The following KCNQ1OT1 variants were observed in gnomAD, a reference collection of about 807,000 sequenced individuals.
KCNQ1OT1 encodes the protein KCNQ1 antisense RNA 2 (non-protein coding).
exon 1 of KCNQ1OT1, chr11:2,631,540 G>A (rs950246249): frequency 7.0e-5 from 28 of 397,992 alleles, no homozygotes; most frequent in Middle Eastern, 6.2e-4. Context: ...TAAATCAGTC[G>A]TTTTTAATTT....
At position 2,663,064 on chromosome 11, in the gene KCNQ1OT1, G is replaced by C. The variant is rs1173432970; in HGVS notation, n.36931C>G. The C allele has an allele frequency of 2.5e-6, 1 of 398,508 alleles. No homozygotes were observed. Among genetic ancestry groups the C allele is most frequent in the Non-Finnish European group, 4.4e-6 (1 of 226,088 alleles). The allele number at this position is 398,508 out of a possible 1,614,324, so 24.7% of individuals were successfully genotyped here. A position where few individuals can be genotyped will look rare whatever the true frequency, so the allele number is the denominator to read the frequency against. On this transcript the variant is annotated non_coding_transcript_exon_variant, in exon 1 of 1. Transcript: ENST00000597346. The surrounding 1 kb of genome is among the most constrained non-coding windows in gnomAD (Gnocchi z 5.2). ...GCAGGTGTAACCAGAGAACTGGCAG[G>C]GTTGGGTAGCCAGAATGAGGCCACC...
chr11:2,662,173 C>T lies in KCNQ1OT1; in HGVS notation n.37822G>A, dbSNP rs910620558. On this transcript the variant is annotated non_coding_transcript_exon_variant, in exon 1 of 1. Coordinates refer to ENST00000597346, the Ensembl canonical transcript of KCNQ1OT1. ...TGCTGGGGAAGCCTTGCTCTCTGGC[C>T]AGAGTGCTATCTACTCGCCTAGTGC... is the stretch of plus-strand genomic sequence containing the variant. 21 of 1,562,522 alleles carry T rather than the reference C, an allele frequency of 1.3e-5. 2 individuals carry two copies. Among genetic ancestry groups the T allele is most frequent in the South Asian group, 1.1e-4 (10 of 87,012 alleles).
exon 1 of KCNQ1OT1, chr11:2,667,902 C>T: frequency 2.5e-6 from 1 of 398,652 alleles, no homozygotes; most frequent in Non-Finnish European, 4.4e-6. Context: ...CTTGAGGCAT[C>T]TTCAGTCCCT....
exon 1 of KCNQ1OT1, chr11:2,680,349 A>G (rs1197328526): frequency 2.5e-6 from 1 of 398,396 alleles, no homozygotes; most frequent in Non-Finnish European, 4.4e-6. Context: ...TCCAGCCACA[A>G]ATAGAAGCAG....
chr11:2,634,290 G>A (rs534481116), exon 1 of KCNQ1OT1: 32 of 342,714 alleles, frequency 9.3e-5, no homozygotes, highest in African/African-American at 6.6e-4. Flanking sequence ...ATTTACCTTA[G>A]GTATATCTCC....
chr11:2,697,584 C>T (rs564255633), exon 1 of KCNQ1OT1: 22 of 398,582 alleles, frequency 5.5e-5, no homozygotes, highest in African/African-American at 2.7e-4. Flanking sequence ...CACACATAGG[C>T]GTTAAACTTT....
exon 1 of KCNQ1OT1, chr11:2,681,482 GAAATGGGACTTAGT>G: frequency 2.5e-6 from 1 of 398,548 alleles, no homozygotes; most frequent in Non-Finnish European, 4.4e-6. Flanking sequence ...CCCTAGATGA[GAAATGGGACTTAGT>G]AAAGTCAAAC....
exon 1 of KCNQ1OT1, chr11:2,686,366 C>G (rs1449322687): frequency 2.5e-6 from 1 of 398,582 alleles, no homozygotes; most frequent in Non-Finnish European, 4.4e-6. Flanking sequence ...CTCACTTGGG[C>G]TTATCAGCAG....
chr11:2,688,415 G>A, exon 1 of KCNQ1OT1: 1 of 398,748 alleles, frequency 2.5e-6, no homozygotes, highest in Admixed American at 4.4e-5. Flanking sequence ...CTCTGTGTAG[G>A]CACTGGGCCC....
Position 2,617,730 on chromosome 11 carries a change from T to C in KCNQ1OT1, n.82265A>G, listed in dbSNP as rs1849091503. On this transcript the variant is annotated non_coding_transcript_exon_variant, in exon 1 of 1. Coordinates refer to ENST00000597346, the Ensembl canonical transcript of KCNQ1OT1. This position sits in a 1 kb window ranked among gnomAD's most constrained non-coding sequence, Gnocchi z 4.6. ...AGCCAACACTTAATAGCTATTCTCA[T>C]GAGTGTGAGGTGATATCGCATAGTA... The C allele has an allele frequency of 2.5e-6, 1 of 398,384 alleles. No homozygotes were observed. The highest frequency in any genetic ancestry group is 2.1e-5 in the African/African-American group (1 of 48,638). 24.7% of individuals were successfully genotyped at this position (398,384 alleles called of 1,614,324 possible).
exon 1 of KCNQ1OT1, chr11:2,660,766 G>C: frequency 2.5e-6 from 1 of 398,612 alleles, no homozygotes; most frequent in Non-Finnish European, 4.4e-6. Context: ...GGGGGAGCCT[G>C]AATTGCTACA....
rs1245324319 is a variant in KCNQ1OT1 at position 2,698,352 on chromosome 11, T to A, written n.1643A>T. On this transcript the variant is annotated non_coding_transcript_exon_variant, in exon 1 of 1. Transcript: ENST00000597346. The surrounding 1 kb of genome is among the most constrained non-coding windows in gnomAD (Gnocchi z 5.1). ...GAAGGCACTCTTACTCTCAATTTTA[T>A]ATAAAAGGCTATTTGACCTGCTCAG... is the stretch of plus-strand genomic sequence containing the variant. 1 of 398,632 alleles carries A rather than the reference T, an allele frequency of 2.5e-6. No individual in the cohort carries two copies. Among genetic ancestry groups the A allele is most frequent in the Non-Finnish European group, 4.4e-6 (1 of 226,064 alleles). The allele number at this position is 398,632 out of a possible 1,614,324, so 24.7% of individuals were successfully genotyped here.
exon 1 of KCNQ1OT1, chr11:2,631,619 T>G (rs1201952585): frequency 2.5e-6 from 1 of 398,500 alleles, no homozygotes; most frequent in Non-Finnish European, 4.4e-6. Context: ...ATTTCTCAGG[T>G]GGGTGCTATG....
chr11:2,621,092 C>T lies in KCNQ1OT1; in HGVS notation n.78903G>A, dbSNP rs139943806. 0.011 allele frequency: 4,222 copies of T among 397,304 alleles called. 130 individuals carry two copies. The highest frequency in any genetic ancestry group is 0.09 in the East Asian group (2,534 of 28,032). The allele number at this position is 397,304 out of a possible 1,614,324, so 24.6% of individuals were successfully genotyped here. On this transcript the variant is annotated non_coding_transcript_exon_variant, in exon 1 of 1. Transcript: ENST00000597346. This position sits in a 1 kb window ranked among gnomAD's most constrained non-coding sequence, Gnocchi z 5.7. Reference sequence around the variant, plus strand: ...TCCTGGGTTCAAGCAATTCTCCTGTCTCAGACTCCTGAGTAGCTGGGATTA... The same window carrying T: ...TCCTGGGTTCAAGCAATTCTCCTGTTTCAGACTCCTGAGTAGCTGGGATTA...
Position 2,653,528 on chromosome 11 carries a change from C to G in KCNQ1OT1, n.46467G>C, listed in dbSNP as rs1364713845. The G allele has an allele frequency of 2.5e-6, 1 of 398,822 alleles. No homozygotes were observed. The highest frequency in any genetic ancestry group is 4.4e-5 in the Admixed American group (1 of 22,738). The allele number at this position is 398,822 out of a possible 1,614,324, so 24.7% of individuals were successfully genotyped here. ...AGATGATCTTGCTCACTTGCTCTCA[C>G]TCTCCCCTCTTGCACTCCCCTTCTC... On this transcript the variant is annotated non_coding_transcript_exon_variant, in exon 1 of 1. Coordinates refer to ENST00000597346, the Ensembl canonical transcript of KCNQ1OT1. The surrounding 1 kb of genome is among the most constrained non-coding windows in gnomAD (Gnocchi z 5.3).
Position 2,691,523 on chromosome 11 carries a change from A to G in KCNQ1OT1, n.8472T>C, listed in dbSNP as rs777896268. On this transcript the variant is annotated non_coding_transcript_exon_variant, in exon 1 of 1. Coordinates refer to ENST00000597346, the Ensembl canonical transcript of KCNQ1OT1. The surrounding 1 kb of genome is among the most constrained non-coding windows in gnomAD (Gnocchi z 6.4). ...CATTTTTCAGCTTGCTTGGCTTTGC[A>G]TTAAAGTTGGGGGGATTTCTCTATC... is the stretch of plus-strand genomic sequence containing the variant. The G allele has an allele frequency of 2.3e-5, 9 of 398,446 alleles. No homozygotes were observed. The highest frequency in any genetic ancestry group is 1.8e-5 in the Non-Finnish European group (4 of 226,054). The allele number at this position is 398,446 out of a possible 1,614,324, so 24.7% of individuals were successfully genotyped here. A position where few individuals can be genotyped will look rare whatever the true frequency, so the allele number is the denominator to read the frequency against.
At position 2,691,300 on chromosome 11, in the gene KCNQ1OT1, G is replaced by A. The variant is rs1850583950; in HGVS notation, n.8695C>T. On this transcript the variant is annotated non_coding_transcript_exon_variant, in exon 1 of 1. Transcript: ENST00000597346. The surrounding 1 kb of genome is among the most constrained non-coding windows in gnomAD (Gnocchi z 6.4). ...CAGGAAGGAGAGCTGACAAGAAAAA[G>A]GCGATGTCTCACCCCTGAGCTACAA... 2.5e-6 allele frequency: 1 copy of A among 398,498 alleles called. No individual in the cohort carries two copies. Among genetic ancestry groups the A allele is most frequent in the South Asian group, 1.3e-4 (1 of 7,854 alleles). 24.7% of individuals were successfully genotyped at this position (398,498 alleles called of 1,614,324 possible).
rs1229867463 is a variant in KCNQ1OT1 at position 2,659,119 on chromosome 11, A to C, written n.40876T>G. On this transcript the variant is annotated non_coding_transcript_exon_variant, in exon 1 of 1. Coordinates refer to ENST00000597346, the Ensembl canonical transcript of KCNQ1OT1. This position sits in a 1 kb window ranked among gnomAD's most constrained non-coding sequence, Gnocchi z 4.3. The stretch of plus-strand genomic sequence containing the variant: ...TCCAACATCCGGGTTAATTTTTTAA[A>C]TTTGCATACAGTAAAATCCACTCTT... The C allele has an allele frequency of 2.3e-5, 9 of 398,440 alleles. No homozygotes were observed. Among genetic ancestry groups the C allele is most frequent in the Non-Finnish European group, 3.5e-5 (8 of 226,058 alleles). 24.7% of individuals were successfully genotyped at this position (398,440 alleles called of 1,614,324 possible).
chr11:2,696,821 G>C (rs2133898742), exon 1 of KCNQ1OT1: 1 of 398,554 alleles, frequency 2.5e-6, no homozygotes, highest in Non-Finnish European at 4.4e-6. Flanking sequence ...TCTGATTGCT[G>C]TCCTAATCTC....
Sources: allele counts gnomAD v4.1 joint callset, GRCh38; gene constraint gnomAD v4.1.1; non-coding constraint Gnocchi (gnomAD v3.1); transcripts MANE v1.5; gene names NCBI Gene and HGNC (gene_info 2026-07-23, HGNC 2026-07-21).